The following DNAAF5 variants were observed in gnomAD, a reference collection of about 807,000 sequenced individuals.
The protein encoded by DNAAF5 is HEAT repeat containing 2.
DNAAF5 carries 64 observed loss-of-function variants against 75.8 expected under a neutral mutation model. That is an observed-to-expected ratio of 0.84 (90% CI 0.69 to 1.04). DNAAF5 has a LOEUF of 1.04. Among genes scored for constraint, DNAAF5 ranks in the 50% least tolerant of loss-of-function variants. The pLI is 0.00. For missense variants in DNAAF5, 1,269 were observed against 1,178.5 expected, an observed-to-expected ratio of 1.08 and a Z score of -1.12; for synonymous variants, 657 against 557.2, an observed-to-expected ratio of 1.18 and a Z score of -2.52.
At chr7:753,253 C>T (rs993351539) in intron 4 of DNAAF5, among the ~76,000 whole-genome samples, 1 of 152,168 alleles carries the variant, frequency 6.6e-6, no homozygotes, top group Non-Finnish European at 1.5e-5. Flanking sequence ...CACAGAGGAG[C>T]GGGCACTAAA....
chr7:751,193 G>GT (rs1782281633), intron 4 of DNAAF5, among the ~76,000 whole-genome samples: 1 of 151,600 alleles, frequency 6.6e-6, no homozygotes, highest in Admixed American at 6.6e-5. Flanking sequence ...TGGCTTTTTT[G>GT]TTTTTTACAA....
chr7:780,065 G>C lies in DNAAF5; in HGVS notation c.2352G>C (p.Gln784His). 6.2e-7 allele frequency: 1 copy of C among 1,614,234 alleles called. No homozygotes were observed. The highest frequency in any genetic ancestry group is 1.3e-5 in the African/African-American group (1 of 75,062). The change falls in exon 12 of 13, where the codon CAG becomes CAC. Residue 784 changes from glutamine (Q) to histidine (H), a missense_variant. By Grantham distance (24) the Gln-to-His change is conservative (BLOSUM62 0). Transcript: ENST00000297440. ...VKGANAKSYY[Q>H]SSVQYLYREL... ...GTGCCAACGCAAAATCCTACTATCA[G>C]AGCAGTGTCCAGTACCTGTACCGAG...
At chr7:766,853 T>C (rs1489978920) in intron 8 of DNAAF5, among the ~76,000 whole-genome samples, 3 of 151,978 alleles carry the variant, frequency 2.0e-5, no homozygotes, top group Non-Finnish European at 2.9e-5. Flanking sequence ...AGGCAAAATA[T>C]CCACATTTTA....
At chr7:735,443 AGTT>A (rs1482841824) in intron 2 of DNAAF5, among the ~76,000 whole-genome samples, 1 of 123,906 alleles carries the variant, frequency 8.1e-6, no homozygotes, top group Admixed American at 7.9e-5. Context: ...CTCACGGTGT[AGTT>A]GTTCATGGTG....
rs765928517 is a variant in DNAAF5, at chr7:761,739, C to G, written c.1471-14C>G. On this transcript the variant is annotated splice_polypyrimidine_tract_variant and intron_variant, in intron 6 of 12. Coordinates refer to ENST00000297440, the MANE Select transcript of DNAAF5 (RefSeq NM_017802.4). Reference sequence around the variant, plus strand: ...ATTGTACCAAGCTCTGACGGTGCTGCCGGTCTCTTCCAGGACCTCTACCTG... The same window carrying G: ...ATTGTACCAAGCTCTGACGGTGCTGGCGGTCTCTTCCAGGACCTCTACCTG... The G allele has an allele frequency of 7.3e-5, 116 of 1,590,890 alleles. 1 individual carries two copies. Among genetic ancestry groups the G allele is most frequent in the South Asian group, 4.1e-4 (36 of 87,168 alleles).
Position 749,809 on chromosome 7 carries a change from C to T in DNAAF5, c.1025-4780C>T, listed in dbSNP as rs530744736. ...CTCCCAGATTCAGGCAACTACTGTC[C>T]TGCCTCAGCCTCCCGAGTAGCTGTG... is the stretch of plus-strand genomic sequence containing the variant. On this transcript the variant is annotated intron_variant, in intron 4 of 12. Transcript: ENST00000297440. Among the ~76,000 whole-genome samples the T allele has an allele frequency of 1.8e-4, 27 of 152,290 alleles. No individual in the cohort carries two copies. The East Asian group carries it at 4.8e-3, about 27-fold the overall frequency.
At chr7:744,659 T>C (rs916373654) in intron 4 of DNAAF5, among the ~76,000 whole-genome samples, 2 of 152,174 alleles carry the variant, frequency 1.3e-5, no homozygotes, top group Non-Finnish European at 2.9e-5. Context: ...AAACAACAAG[T>C]GCTGGAGAGG....
At chr7:732,167 C>T (rs1477879157) in intron 2 of DNAAF5, among the ~76,000 whole-genome samples, 2 of 152,224 alleles carry the variant, frequency 1.3e-5, no homozygotes, top group African/African-American at 2.4e-5. Context: ...GCGGTCTAGC[C>T]GCCCTGGAGC....
At chr7:760,622 C>T (rs987789508) in intron 6 of DNAAF5, among the ~76,000 whole-genome samples, 2 of 152,158 alleles carry the variant, frequency 1.3e-5, no homozygotes, top group African/African-American at 2.4e-5. Flanking sequence ...TGCACTCCAG[C>T]CTGGGCGACA....
At chr7:771,277 C>T (rs1234186925) in intron 9 of DNAAF5, 2 of 152,282 alleles carry the variant, frequency 1.3e-5, no homozygotes, top group African/African-American at 4.8e-5. Context: ...GCATGGGTGC[C>T]CTCTAGGAGC....
In DNAAF5 at chr7:754,736, A is replaced by C; in HGVS notation, c.1172A>C (p.Glu391Ala). 1 of 1,613,684 alleles carries C rather than the reference A, an allele frequency of 6.2e-7. No homozygotes were observed. Among genetic ancestry groups the C allele is most frequent in the Non-Finnish European group, 8.5e-7 (1 of 1,180,010 alleles). ...QLLPVLLLHA[E>A]DHATQHLEVV... ...CTCCCAGTGCTGCTGCTGCATGCCGAGGACCACGCCACGCAGCACCTGGAG... is the reference window on the plus strand; with the variant it reads ...CTCCCAGTGCTGCTGCTGCATGCCGCGGACCACGCCACGCAGCACCTGGAG... Residue 391 changes from glutamate (E) to alanine (A), a missense_variant, in exon 5 of 13, where the codon GAG (glutamate) becomes GCG (alanine). Glu to Ala is a moderately radical substitution (Grantham distance 107, BLOSUM62 -1). Coordinates refer to ENST00000297440, the MANE Select transcript of DNAAF5 (RefSeq NM_017802.4). The surrounding 1 kb of genome is among the most constrained non-coding windows in gnomAD (Gnocchi z 4.8).
chr7:774,432 C>T (rs1236139501), intron 10 of DNAAF5, among the ~76,000 whole-genome samples: 1 of 152,172 alleles, frequency 6.6e-6, no homozygotes, highest in Non-Finnish European at 1.5e-5. Context: ...GCCCAGCCAG[C>T]CCGGTCGTGC....
intron 8 of DNAAF5, 23 bp from the exon 9 acceptor site, chr7:770,448 G>T: frequency 6.2e-7 from 1 of 1,608,368 alleles, no homozygotes. Context: ...GCCGTGCACA[G>T]GAGCCTCTGT....
chr7:740,738 A>C, intron 2 of DNAAF5, 81 bp from the exon 3 acceptor site: 1 of 1,568,392 alleles, frequency 6.4e-7, no homozygotes, highest in Non-Finnish European at 8.6e-7. Context: ...TCCGTATGGC[A>C]GCACTCAGAG....
chr7:730,470 G>T (rs997955822), intron 2 of DNAAF5, among the ~76,000 whole-genome samples: 1 of 152,206 alleles, frequency 6.6e-6, no homozygotes, highest in South Asian at 2.1e-4. Flanking sequence ...TCAGACATGT[G>T]ATCTTTTGTG....
intron 7 of DNAAF5, 79 bp from the exon 8 acceptor site, chr7:763,727 G>C: frequency 6.7e-7 from 1 of 1,483,016 alleles, no homozygotes; most frequent in Non-Finnish European, 9.3e-7. Flanking sequence ...CGCGTGAGGG[G>C]GATAGTGAGT....
At chr7:763,330 G>T (rs1782724375) in intron 7 of DNAAF5, among the ~76,000 whole-genome samples, 1 of 152,190 alleles carries the variant, frequency 6.6e-6, no homozygotes, top group Non-Finnish European at 1.5e-5. Context: ...CTGTTCCTAA[G>T]CCCCCAAGGA....
intron 1 of DNAAF5, 109 bp downstream of exon 1, chr7:727,424 G>C: frequency 2.6e-6 from 1 of 386,152 alleles, no homozygotes; most frequent in Non-Finnish European, 3.5e-6. Context: ...CCCCCTCCAC[G>C]CCCGCACCCC....
chr7:785,816 C>G lies in DNAAF5; in HGVS notation c.*163C>G. The G allele has an allele frequency of 1.4e-6, 1 of 708,878 alleles. No individual in the cohort carries two copies. The allele number at this position is 708,878 out of a possible 1,614,324, so 43.9% of individuals were successfully genotyped here. On this transcript the variant is annotated 3_prime_UTR_variant, in exon 13 of 13. Transcript: ENST00000297440. The stretch of plus-strand genomic sequence containing the variant: ...CACTCTTTCCCTGGAATAACAGCCT[C>G]TGAGTGGATTCTGCATGTTATGTGA...
Sources: gnomAD v4.1 joint callset for allele counts (sites outside exome capture counted in the v4.1 genomes callset) on GRCh38, gnomAD v4.1.1 for gene constraint, Gnocchi (gnomAD v3.1) non-coding constraint, MANE v1.5 for transcripts, NCBI Gene and HGNC (gene_info 2026-07-23, HGNC 2026-07-21) for gene names.